Variants in THSD7B observed in about 807,000 individuals in gnomAD.
THSD7B encodes thrombospondin type-1 domain-containing protein 7B.
THSD7B carries 138 observed loss-of-function variants against 213.6 expected under a neutral mutation model. That is an observed-to-expected ratio of 0.65 (90% CI 0.56 to 0.74). The LOEUF (loss-of-function observed/expected upper bound fraction) is 0.74. Among genes scored for constraint, THSD7B ranks in the 30% least tolerant of loss-of-function variants. The probability of loss-of-function intolerance (pLI) is 0.00; values close to 1 mark genes in which losing one functional copy is unlikely to be tolerated. For synonymous variants in THSD7B, 742 were observed against 687.0 expected (o/e 1.08, Z -1.25); for missense variants, 1,931 against 1,991.5 (o/e 0.97, Z 0.58).
chr2:136,910,563 T>C (rs1684239865), intron 2 of THSD7B, among the ~76,000 whole-genome samples: 1 of 152,214 alleles, frequency 6.6e-6, no homozygotes, highest in Non-Finnish European at 1.5e-5. Context: ...AAATTGATGG[T>C]CCTGAGGTGT....
intron 15 of THSD7B, among the ~76,000 whole-genome samples, chr2:137,505,114 G>A (rs377230096): frequency 5.3e-5 from 8 of 152,118 alleles, no homozygotes; most frequent in Non-Finnish European, 1.2e-4. Flanking sequence ...TTGGAGGATC[G>A]TTGAGCCTGT....
chr2:137,484,972 G>C (rs1573653483), intron 15 of THSD7B, among the ~76,000 whole-genome samples: 1 of 64,348 alleles, frequency 1.6e-5, no homozygotes, highest in African/African-American at 5.7e-5. Flanking sequence ...TTTGTAGGTT[G>C]CCTGTTCACT....
At chr2:137,108,981 G>A (rs552557156) in intron 4 of THSD7B, among the ~76,000 whole-genome samples, 109 of 152,128 alleles carry the variant, frequency 7.2e-4, no homozygotes, top group Non-Finnish European at 1.3e-3. Context: ...CTAATACGTG[G>A]GTCAAAAACA....
At chr2:137,476,315 A>G (rs1002380909) in intron 15 of THSD7B, among the ~76,000 whole-genome samples, 1 of 152,068 alleles carries the variant, frequency 6.6e-6, no homozygotes, top group Non-Finnish European at 1.5e-5. Context: ...GCTTTTTAGT[A>G]TAATAATATG....
chr2:137,340,407 A>T (rs1684736145), intron 12 of THSD7B, among the ~76,000 whole-genome samples: 1 of 151,954 alleles, frequency 6.6e-6, no homozygotes, highest in African/African-American at 2.4e-5. Flanking sequence ...TAATTAAATC[A>T]AGCCAGTTGA....
chr2:137,096,449 C>T (rs1688041413), intron 4 of THSD7B, among the ~76,000 whole-genome samples: 1 of 152,092 alleles, frequency 6.6e-6, no homozygotes, highest in Non-Finnish European at 1.5e-5. Flanking sequence ...ACTCACATCC[C>T]CACTTCCCAG....
intron 5 of THSD7B, among the ~76,000 whole-genome samples, chr2:137,135,263 T>C (rs1055666795): frequency 3.3e-5 from 5 of 152,190 alleles, no homozygotes; most frequent in Non-Finnish European, 7.4e-5. Context: ...TCCATTCTCT[T>C]AGCTTTCTTT....
rs183480067 is a variant in THSD7B at position 136,844,787 on chromosome 2, T to G, written c.-35-37357T>G. ...TTGCTTGCCTGAGGTCATGCCCAGT[T>G]CAGGGCAGCCCACAGCTGGAGAGGT... On this transcript the variant is annotated intron_variant, in intron 1 of 27. Transcript: ENST00000409968. Among the ~76,000 whole-genome samples, 357 of 152,326 alleles carry G rather than the reference T, an allele frequency of 2.3e-3. 1 individual carries two copies. The highest frequency in any genetic ancestry group is 8.3e-3 in the African/African-American group (346 of 41,576).
At chr2:136,901,248 G>A (rs962154889) in intron 2 of THSD7B, among the ~76,000 whole-genome samples, 7 of 152,188 alleles carry the variant, frequency 4.6e-5, no homozygotes, top group Non-Finnish European at 8.8e-5. Flanking sequence ...AGCAAAGCAA[G>A]ACATAGCTAC....
chr2:137,094,978 C>A lies in THSD7B; in HGVS notation c.1056C>A (p.Cys352Ter). The A allele has an allele frequency of 6.2e-7, 1 of 1,613,854 alleles. No homozygotes were observed. The highest frequency in any genetic ancestry group is 8.5e-7 in the Non-Finnish European group (1 of 1,179,854). ...CCTGGAGCCCCTGCTCCAAGACATG[C>A]CGTTCAGGGAGTCTCTTGCCAGGAT... Reference protein sequence around the residue: ...WSSWSPCSKTCRSGSLLPGFR... With the variant: ...WSSWSPCSKT Residue 352 changes from cysteine (C) to a stop codon, truncating the protein, a stop_gained, in exon 4 of 28, where the codon TGC becomes TGA. Transcript: ENST00000409968. LOFTEE classifies it high-confidence loss of function.
intron 2 of THSD7B, among the ~76,000 whole-genome samples, chr2:136,949,170 T>C (rs936269611): frequency 6.6e-6 from 1 of 152,192 alleles, no homozygotes; most frequent in East Asian, 1.9e-4. Flanking sequence ...ATTTTGGCCC[T>C]TGGCTACTCC....
At chr2:136,991,332 G>A (rs1465541148) in intron 2 of THSD7B, among the ~76,000 whole-genome samples, 1 of 152,024 alleles carries the variant, frequency 6.6e-6, no homozygotes, top group Non-Finnish European at 1.5e-5. Context: ...GTCACATGAA[G>A]GATATGCTTC....
intron 7 of THSD7B, among the ~76,000 whole-genome samples, chr2:137,172,107 A>T (rs533149089): frequency 5.3e-5 from 8 of 152,318 alleles, no homozygotes; most frequent in African/African-American, 1.9e-4. Flanking sequence ...AATAAGACGT[A>T]TATTTTTTGG....
At chr2:136,962,877 G>A (rs1261194405) in intron 2 of THSD7B, among the ~76,000 whole-genome samples, 1 of 152,086 alleles carries the variant, frequency 6.6e-6, no homozygotes, top group African/African-American at 2.4e-5. Context: ...TTATAAAACA[G>A]ACACACATTT....
At chr2:136,887,300 T>TTG (rs3084772) in intron 2 of THSD7B, among the ~76,000 whole-genome samples, 14,055 of 148,266 alleles carry the variant, frequency 0.095, 1,129 homozygotes, top group East Asian at 0.35. Flanking sequence ...TCCATATTTG[T>TTG]TGTGTGTGTG....
chr2:137,605,648 C>CTTTT lies in THSD7B; in HGVS notation c.3424-10491_3424-10488dup, dbSNP rs34604281. ...AAAAAGCATATATTGGCACTTCGCACTTTTTTTTTTTTTTTTTTTTTTTTT... is the reference window on the plus strand; with the variant it reads ...AAAAAGCATATATTGGCACTTCGCACTTTTTTTTTTTTTTTTTTTTTTTTTTTTT... On this transcript the variant is annotated intron_variant, in intron 17 of 27. Coordinates refer to ENST00000409968, the MANE Select transcript of THSD7B (RefSeq NM_001316349.2). Among the ~76,000 whole-genome samples, 61 of 69,016 alleles carry CTTTT rather than the reference C, an allele frequency of 8.8e-4. 18 individuals carry two copies. The highest frequency in any genetic ancestry group is 1.3e-3 in the Non-Finnish European group (49 of 36,478). 45.3% of individuals were successfully genotyped at this position (69,016 alleles called of 152,430 possible).
intron 1 of THSD7B, among the ~76,000 whole-genome samples, chr2:136,873,110 G>C (rs1329151305): frequency 6.7e-6 from 1 of 149,734 alleles, no homozygotes; most frequent in Non-Finnish European, 1.5e-5. Flanking sequence ...GTTTTTGAAG[G>C]TTTCAGAAAA....
At chr2:137,053,800 TTAC>T (rs2104874062) in intron 2 of THSD7B, among the ~76,000 whole-genome samples, 1 of 152,278 alleles carries the variant, frequency 6.6e-6, no homozygotes, top group Non-Finnish European at 1.5e-5. Flanking sequence ...CTGACAGCCA[TTAC>T]TTAAAAATCC....
intron 12 of THSD7B, among the ~76,000 whole-genome samples, chr2:137,302,913 T>C (rs1445876372): frequency 6.6e-6 from 1 of 152,158 alleles, no homozygotes; most frequent in Non-Finnish European, 1.5e-5. Context: ...ACTACAGTCT[T>C]TACTTCCCAA....
Sources: allele counts gnomAD v4.1 joint callset (sites outside exome capture counted in the v4.1 genomes callset), GRCh38; gene constraint gnomAD v4.1.1; transcripts MANE v1.5; gene names NCBI Gene and HGNC (gene_info 2026-07-23, HGNC 2026-07-21).